Variants in OXR1 observed in about 807,000 individuals in gnomAD.
OXR1 encodes oxidation resistance 1, also known as oxidation resistance protein 1.
Under a neutral mutation model 104.6 loss-of-function variants are expected in OXR1, and 41 were observed. The observed-to-expected ratio is 0.39, with a 90% CI of 0.31 to 0.51. The LOEUF (loss-of-function observed/expected upper bound fraction) is 0.51, where lower values mean the gene tolerates loss of function less well. OXR1 is among the 20% of genes least tolerant of loss of function. The pLI is 0.77. For synonymous variants in OXR1, 348 were observed against 348.4 expected (o/e 1.00, Z 0.01); for missense variants, 955 against 1,031.9 (o/e 0.93, Z 1.02).
At chr8:106,713,036 G>A (rs1325902251) in intron 10 of OXR1, among the ~76,000 whole-genome samples, 2 of 151,762 alleles carry the variant, frequency 1.3e-5, no homozygotes, top group Non-Finnish European at 2.9e-5. Context: ...TTGATAAAAA[G>A]GTAAGATGTT....
At chr8:106,402,583 T>C (rs1818044245) in intron 2 of OXR1, among the ~76,000 whole-genome samples, 1 of 152,202 alleles carries the variant, frequency 6.6e-6, no homozygotes, top group Middle Eastern at 3.2e-3. Context: ...TGACCCACAG[T>C]GATGTTTGGG....
intron 3 of OXR1, among the ~76,000 whole-genome samples, chr8:106,573,344 T>TACACACACACAC (rs3046716): frequency 1.4e-5 from 2 of 146,738 alleles, no homozygotes; most frequent in Non-Finnish European, 3.0e-5. Flanking sequence ...AACCATCACA[T>TACACACACACAC]ACACACACAC....
intron 2 of OXR1, among the ~76,000 whole-genome samples, chr8:106,439,300 A>G (rs967450630): frequency 5.9e-5 from 9 of 152,172 alleles, no homozygotes; most frequent in African/African-American, 1.7e-4. Flanking sequence ...ATGTGAGGAC[A>G]TAGCAAGAAG....
chr8:106,499,298 G>T (rs1811622541), intron 2 of OXR1, among the ~76,000 whole-genome samples: 1 of 151,868 alleles, frequency 6.6e-6, no homozygotes, highest in Admixed American at 6.6e-5. Flanking sequence ...TTTTCTATTG[G>T]TCTAATATTT....
intron 1 of OXR1, among the ~76,000 whole-genome samples, chr8:106,333,018 A>G (rs1458468318): frequency 6.6e-6 from 1 of 152,142 alleles, no homozygotes; most frequent in Non-Finnish European, 1.5e-5. Flanking sequence ...TTGTGTGCAT[A>G]TACTATATTT....
chr8:106,461,233 C>T (rs573647377), intron 2 of OXR1, among the ~76,000 whole-genome samples: 11 of 152,176 alleles, frequency 7.2e-5, no homozygotes, highest in South Asian at 4.2e-4. Context: ...CCCTGGGAGA[C>T]GGTGAGTTCT....
At chr8:106,634,142 T>C (rs557945789) in intron 3 of OXR1, among the ~76,000 whole-genome samples, 1 of 152,328 alleles carries the variant, frequency 6.6e-6, no homozygotes, top group South Asian at 2.1e-4. Context: ...TGCGTTAACA[T>C]AAGATTTTTT....
intron 2 of OXR1, among the ~76,000 whole-genome samples, chr8:106,396,490 A>G (rs1817788955): frequency 6.6e-6 from 1 of 152,118 alleles, no homozygotes; most frequent in Non-Finnish European, 1.5e-5. Flanking sequence ...GACATTCTAC[A>G]AAATACTTGA....
At chr8:106,629,696 C>T (rs1203346970) in intron 3 of OXR1, among the ~76,000 whole-genome samples, 1 of 152,136 alleles carries the variant, frequency 6.6e-6, no homozygotes, top group African/African-American at 2.4e-5. Context: ...AGAGAACCCA[C>T]ATAATATCAC....
intron 1 of OXR1, chr8:106,273,036 T>C (rs927755296): frequency 1.3e-5 from 2 of 152,094 alleles, no homozygotes; most frequent in Admixed American, 6.5e-5. Context: ...CATTATAGAA[T>C]GCTAAATTTA....
chr8:106,713,709 A>G (rs1831942308), intron 10 of OXR1, 114 bp from the exon 11 acceptor site: 2 of 574,118 alleles, frequency 3.5e-6, no homozygotes, highest in African/African-American at 2.0e-5. Flanking sequence ...ATAAAACAAT[A>G]TATTTTGTGT....
intron 9 of OXR1, among the ~76,000 whole-genome samples, chr8:106,708,952 A>G (rs936086926): frequency 3.3e-5 from 5 of 152,084 alleles, no homozygotes; most frequent in Non-Finnish European, 7.4e-5. Flanking sequence ...TGCAGTTGAG[A>G]TATCCTGAAG....
intron 1 of OXR1, among the ~76,000 whole-genome samples, chr8:106,314,131 A>G (rs1254476364): frequency 6.6e-6 from 1 of 152,322 alleles, no homozygotes; most frequent in Admixed American, 6.5e-5. Context: ...CGCAGCCTGC[A>G]TGCCCAAAAG....
At chr8:106,357,790 A>G (rs1816040753) in intron 1 of OXR1, among the ~76,000 whole-genome samples, 2 of 152,142 alleles carry the variant, frequency 1.3e-5, no homozygotes, top group Non-Finnish European at 1.5e-5. Flanking sequence ...GTCAGTAAAC[A>G]ATGGACTGAT....
At chr8:106,346,809 G>A (rs1815502949) in intron 1 of OXR1, among the ~76,000 whole-genome samples, 3 of 152,144 alleles carry the variant, frequency 2.0e-5, no homozygotes. Flanking sequence ...GGAGGCCAAG[G>A]CGGGCGGATC....
intron 3 of OXR1, among the ~76,000 whole-genome samples, chr8:106,560,006 G>T (rs920396031): frequency 6.6e-5 from 10 of 152,152 alleles, no homozygotes; most frequent in Non-Finnish European, 1.3e-4. Flanking sequence ...GCACAGACAT[G>T]CAGTTCTTGA....
intron 6 of OXR1, among the ~76,000 whole-genome samples, chr8:106,690,857 A>G (rs187108444): frequency 9.1e-4 from 138 of 152,084 alleles, no homozygotes; most frequent in African/African-American, 3.0e-3. Context: ...AAGTAAATAC[A>G]AATGTTGGTA....
At chr8:106,674,991 A>T (rs1023715908) in intron 3 of OXR1, among the ~76,000 whole-genome samples, 4 of 152,196 alleles carry the variant, frequency 2.6e-5, no homozygotes, top group African/African-American at 9.6e-5. Context: ...ATACATAAGG[A>T]TACAGAAATG....
chr8:106,513,938 G>A (rs1812699347), intron 2 of OXR1, among the ~76,000 whole-genome samples: 1 of 152,082 alleles, frequency 6.6e-6, no homozygotes, highest in African/African-American at 2.4e-5. Context: ...CATGTGCAGA[G>A]GAATAAGATT....
Sources: allele counts gnomAD v4.1 joint callset (sites outside exome capture counted in the v4.1 genomes callset), GRCh38; gene constraint gnomAD v4.1.1; transcripts MANE v1.5; gene names NCBI Gene and HGNC (gene_info 2026-07-23, HGNC 2026-07-21).